Variants in AKAP6 observed in about 807,000 individuals in gnomAD.
AKAP6 encodes the protein A-kinase anchoring protein 6, also known as A-kinase anchor protein 6.
Under a neutral mutation model 188.5 loss-of-function variants are expected in AKAP6, and 58 were observed. The ratio of observed to expected loss-of-function variants is 0.31; its 90% CI spans 0.25 to 0.38. The LOEUF is 0.38. Ranked by LOEUF, AKAP6 falls within the 10% of genes least tolerant of loss-of-function variation. AKAP6 has a pLI of 1.00. For synonymous variants in AKAP6, 989 were observed against 998.6 expected, an observed-to-expected ratio of 0.99 and a Z score of 0.18; for missense variants, 2,710 against 2,740.0, an observed-to-expected ratio of 0.99 and a Z score of 0.24.
At position 32,674,571 on chromosome 14, in the gene AKAP6, A is replaced by G. The variant is rs375378021; in HGVS notation, c.2731-3740A>G. Among the ~76,000 whole-genome samples, 4 of 152,320 alleles carry G rather than the reference A, an allele frequency of 2.6e-5. No homozygotes were observed. The East Asian group carries it at 7.7e-4, about 29-fold the overall frequency. Reference sequence around the variant, plus strand: ...CAAGAATGACTCTCAGGTTTCTGACATGAGCAATAGACAGTACCATTTGTT... The same window carrying G: ...CAAGAATGACTCTCAGGTTTCTGACGTGAGCAATAGACAGTACCATTTGTT... On this transcript the variant is annotated intron_variant, in intron 7 of 13. Transcript: ENST00000280979.
intron 7 of AKAP6, among the ~76,000 whole-genome samples, chr14:32,607,427 A>C (rs746729505): frequency 1.3e-5 from 2 of 152,182 alleles, no homozygotes; most frequent in Non-Finnish European, 2.9e-5. Context: ...ATGTTATCGA[A>C]AGAAACCAGA....
At chr14:32,786,298 C>CTTTTTTTTTTTTTTTTTTTTTTT (rs1162974012) in intron 12 of AKAP6, among the ~76,000 whole-genome samples, 8 of 82,554 alleles carry the variant, frequency 9.7e-5, no homozygotes, top group Admixed American at 1.8e-4. Flanking sequence ...AAACCTTTAT[C>CTTTTTTTTTTTTTTTTTTTTTTT]TTTTTTTTTT....
At chr14:32,369,528 T>A (rs1472775553) in intron 1 of AKAP6, among the ~76,000 whole-genome samples, 1 of 152,224 alleles carries the variant, frequency 6.6e-6, no homozygotes, top group Non-Finnish European at 1.5e-5. Flanking sequence ...TGACACAACT[T>A]ATTCACAGTG....
At chr14:32,378,113 G>T (rs1244337699) in intron 1 of AKAP6, among the ~76,000 whole-genome samples, 3 of 152,122 alleles carry the variant, frequency 2.0e-5, no homozygotes, top group African/African-American at 7.2e-5. Context: ...ATTTTTCATA[G>T]TGACATTATG....
At position 32,813,395 on chromosome 14, in the gene AKAP6, C is replaced by G. The variant is rs562823533; in HGVS notation, c.3589-8007C>G. 1.4e-3 allele frequency among the ~76,000 whole-genome samples: 170 copies of G among 119,652 alleles called. 17 individuals are homozygous for G. Among genetic ancestry groups the G allele is most frequent in the South Asian group, 0.013 (33 of 2,504 alleles). 78.5% of individuals were successfully genotyped at this position (119,652 alleles called of 152,430 possible). ...AGTTTTCATCTCTAACCCTACCCCC[C>G]CCCCCAACCCCTTTCCCAGAGGTCC... On this transcript the variant is annotated intron_variant, in intron 12 of 13. Transcript: ENST00000280979.
At chr14:32,643,051 C>A (rs967440561) in intron 7 of AKAP6, among the ~76,000 whole-genome samples, 5 of 152,134 alleles carry the variant, frequency 3.3e-5, no homozygotes, top group African/African-American at 1.2e-4. Context: ...TAGAGCAAAT[C>A]TGTACATTTC....
intron 7 of AKAP6, among the ~76,000 whole-genome samples, chr14:32,651,430 T>C (rs909206466): frequency 6.6e-6 from 1 of 152,186 alleles, no homozygotes; most frequent in African/African-American, 2.4e-5. Context: ...CATTGTTTGT[T>C]TTACTATAAT....
intron 8 of AKAP6, among the ~76,000 whole-genome samples, chr14:32,692,871 C>T (rs1890239723): frequency 6.6e-6 from 1 of 152,166 alleles, no homozygotes; most frequent in South Asian, 2.1e-4. Context: ...AGGCACCCTA[C>T]ACTCACACTT....
intron 7 of AKAP6, among the ~76,000 whole-genome samples, chr14:32,665,391 C>T (rs905973088): frequency 6.6e-6 from 1 of 152,070 alleles, no homozygotes; most frequent in Non-Finnish European, 1.5e-5. Flanking sequence ...CTCCGGGAAA[C>T]ACTTATTTAC....
At chr14:32,767,180 T>C (rs1164135088) in intron 11 of AKAP6, among the ~76,000 whole-genome samples, 2 of 152,210 alleles carry the variant, frequency 1.3e-5, no homozygotes, top group African/African-American at 4.8e-5. Context: ...TTTTATGGCA[T>C]AAATTAGTCT....
intron 8 of AKAP6, among the ~76,000 whole-genome samples, chr14:32,683,694 G>A (rs1889791035): frequency 2.6e-5 from 4 of 152,150 alleles, no homozygotes; most frequent in Admixed American, 2.6e-4. Flanking sequence ...GAAATGACAA[G>A]GGTGTTTCTC....
intron 13 of AKAP6, among the ~76,000 whole-genome samples, chr14:32,828,873 C>G (rs904487171): frequency 1.3e-5 from 2 of 152,230 alleles, no homozygotes; most frequent in African/African-American, 4.8e-5. Flanking sequence ...TCCAACTCCC[C>G]ATGGCTCCAG....
chr14:32,447,751 C>T (rs1890803490), intron 2 of AKAP6, among the ~76,000 whole-genome samples: 1 of 152,212 alleles, frequency 6.6e-6, no homozygotes, highest in Admixed American at 6.5e-5. Flanking sequence ...ATGCATCTCC[C>T]TCCATCTTGG....
chr14:32,573,794 A>G (rs1440886810), intron 4 of AKAP6, among the ~76,000 whole-genome samples: 1 of 152,132 alleles, frequency 6.6e-6, no homozygotes, highest in Non-Finnish European at 1.5e-5. Context: ...AGATGCCAGC[A>G]GAGCTTCTGA....
At chr14:32,481,284 C>T (rs1240462959) in intron 2 of AKAP6, among the ~76,000 whole-genome samples, 2 of 152,172 alleles carry the variant, frequency 1.3e-5, no homozygotes, top group African/African-American at 2.4e-5. Flanking sequence ...CCTCACAGTT[C>T]GCAGATCCAA....
chr14:32,529,791 T>A (rs927517493), intron 2 of AKAP6, among the ~76,000 whole-genome samples: 1 of 152,130 alleles, frequency 6.6e-6, no homozygotes, highest in Non-Finnish European at 1.5e-5. Flanking sequence ...AGATTTTTTG[T>A]ATAAAGTTGC....
Position 32,677,222 on chromosome 14 carries a change from G to A in AKAP6, c.2731-1089G>A, listed in dbSNP as rs534843639. ...ACTTTATAATATTCACTTTTTCTCC[G>A]TAGTCGAGGCTATAAAACTAGAGAT... On this transcript the variant is annotated intron_variant, in intron 7 of 13. Coordinates refer to ENST00000280979, the MANE Select transcript of AKAP6 (RefSeq NM_004274.5). Among the ~76,000 whole-genome samples the A allele has an allele frequency of 1.3e-3, 196 of 152,188 alleles. 1 individual carries two copies. Among genetic ancestry groups the A allele is most frequent in the Middle Eastern group, 0.01 (3 of 294 alleles).
At chr14:32,531,830 A>T (rs1594715960) in intron 2 of AKAP6, among the ~76,000 whole-genome samples, 1 of 152,208 alleles carries the variant, frequency 6.6e-6, no homozygotes, top group African/African-American at 2.4e-5. Flanking sequence ...TTCACTTTTT[A>T]AAAAACTGCT....
intron 1 of AKAP6, among the ~76,000 whole-genome samples, chr14:32,431,221 AT>A (rs1462181728): frequency 1.3e-5 from 2 of 152,004 alleles, no homozygotes; most frequent in Non-Finnish European, 2.9e-5. Context: ...AAATTTTGTT[AT>A]CTTCTGATTG....
Sources: gnomAD v4.1 joint callset for allele counts (sites outside exome capture counted in the v4.1 genomes callset) on GRCh38, gnomAD v4.1.1 for gene constraint, MANE v1.5 for transcripts, NCBI Gene and HGNC (gene_info 2026-07-23, HGNC 2026-07-21) for gene names.